Variants in CSNK1A1 observed in about 807,000 individuals in gnomAD.
CSNK1A1 encodes casein kinase 1 alpha 1.
CSNK1A1 carries 7 observed loss-of-function variants against 46.1 expected under a neutral mutation model. The observed-to-expected ratio is 0.15, with a 90% confidence interval of 0.09 to 0.29. The LOEUF is 0.29. CSNK1A1 is among the 10% of genes least tolerant of loss of function. The pLI is 1.00. For missense variants in CSNK1A1, 96 were observed against 417.1 expected (o/e 0.23, Z 6.71); for synonymous variants, 137 against 141.5 (o/e 0.97, Z 0.23).
chr5:149,547,010 T>C (rs1762504634), intron 2 of CSNK1A1, among the ~76,000 whole-genome samples: 1 of 152,170 alleles, frequency 6.6e-6, no homozygotes. Context: ...GAACCACTTT[T>C]GTTTCCATGT....
chr5:149,525,008 T>C lies in CSNK1A1; in HGVS notation c.357+37A>G. On this transcript the variant is annotated intron_variant, in intron 3 of 9. Transcript: ENST00000377843. This position sits in a 1 kb window ranked among gnomAD's most constrained non-coding sequence, Gnocchi z 4.2. The stretch of plus-strand genomic sequence containing the variant: ...ATAATGAAATTCCAGTCAACAGTAC[T>C]AGTCTCAGTTTATATTCTAATCAAA... 1 of 1,575,852 alleles carries C rather than the reference T, an allele frequency of 6.3e-7. No homozygotes were observed. The highest frequency in any genetic ancestry group is 8.6e-7 in the Non-Finnish European group (1 of 1,157,914).
At chr5:149,546,006 A>G (rs1041346239) in intron 2 of CSNK1A1, among the ~76,000 whole-genome samples, 3 of 150,958 alleles carry the variant, frequency 2.0e-5, no homozygotes, top group African/African-American at 7.3e-5. Flanking sequence ...CTCCTGCCTC[A>G]GCCTCCTGAG....
intron 2 of CSNK1A1, chr5:149,549,525 A>T: frequency 4.3e-6 from 3 of 701,964 alleles, no homozygotes; most frequent in Non-Finnish European, 7.8e-6. Context: ...TAAAGGAGGA[A>T]TCAAGGAAGC....
At chr5:149,533,415 G>C (rs1258358046) in intron 2 of CSNK1A1, among the ~76,000 whole-genome samples, 1 of 152,086 alleles carries the variant, frequency 6.6e-6, no homozygotes, top group African/African-American at 2.4e-5. Context: ...ATTCTCAAAG[G>C]ACAGATGGCA....
In CSNK1A1 at chr5:149,500,961, T is replaced by C. The variant is rs144669502; in HGVS notation, c.1007-4101A>G. 411 of 985,148 alleles carry C rather than the reference T, an allele frequency of 4.2e-4. 1 individual carries two copies. The African/African-American group carries it at 6.6e-3, about 16-fold the overall frequency. The allele number at this position is 985,148 out of a possible 1,614,324, so 61.0% of individuals were successfully genotyped here. ...ACAGACTGAATTGTTTTGTCTTCCT[T>C]ATAACAGAATTCATTCTGCTACACA... On this transcript the variant is annotated intron_variant, in intron 9 of 9. Coordinates refer to ENST00000377843, the MANE Select transcript of CSNK1A1 (RefSeq NM_001892.6).
At chr5:149,508,764 C>G (rs1293767136) in intron 7 of CSNK1A1, among the ~76,000 whole-genome samples, 3 of 152,150 alleles carry the variant, frequency 2.0e-5, no homozygotes, top group Non-Finnish European at 4.4e-5. Flanking sequence ...GAGAATATTT[C>G]TTACTTTTTC....
chr5:149,549,560 A>C, intron 2 of CSNK1A1: 1 of 698,140 alleles, frequency 1.4e-6, no homozygotes, highest in Non-Finnish European at 2.6e-6. Context: ...CAAGCTGAGA[A>C]AAGGGCAGGA....
intron 4 of CSNK1A1, among the ~76,000 whole-genome samples, chr5:149,518,917 G>T (rs1313809534): frequency 6.6e-6 from 1 of 152,026 alleles, no homozygotes; most frequent in Admixed American, 6.6e-5. Flanking sequence ...GGGTTTTTAG[G>T]GGGTAAGAAA....
rs1761696200 is a variant in CSNK1A1, at chr5:149,525,375, A to C, written c.231-204T>G. Among the ~76,000 whole-genome samples the C allele has an allele frequency of 6.6e-6, 1 of 152,130 alleles. No individual in the cohort carries two copies. Among genetic ancestry groups the C allele is most frequent in the South Asian group, 2.1e-4 (1 of 4,826 alleles). On this transcript the variant is annotated intron_variant, in intron 2 of 9. Coordinates refer to ENST00000377843, the MANE Select transcript of CSNK1A1 (RefSeq NM_001892.6). This position sits in a 1 kb window ranked among gnomAD's most constrained non-coding sequence, Gnocchi z 4.2. ...AGACTTTTTTTTTTCCCTGTCATGC[A>C]ACTCCATTCTCCTATATAGATAGGA...
chr5:149,496,770 T>C lies in CSNK1A1; in HGVS notation c.*83A>G, dbSNP rs1760665786. 4 of 1,527,016 alleles carry C rather than the reference T, an allele frequency of 2.6e-6. No homozygotes were observed. The highest frequency in any genetic ancestry group is 2.5e-5 in the South Asian group (2 of 78,942). The allele number at this position is 1,527,016 out of a possible 1,614,324, so 94.6% of individuals were successfully genotyped here. A position where few individuals can be genotyped will look rare whatever the true frequency, so the allele number is the denominator to read the frequency against. ...GTCCACAACCACTGGCTAGTGTACATATGAACTAAAATTTCTAGATTTGGG... is the reference window on the plus strand; with the variant it reads ...GTCCACAACCACTGGCTAGTGTACACATGAACTAAAATTTCTAGATTTGGG... On this transcript the variant is annotated 3_prime_UTR_variant, in exon 10 of 10. Coordinates refer to ENST00000377843, the MANE Select transcript of CSNK1A1 (RefSeq NM_001892.6).
rs376944499 is a variant in CSNK1A1 at position 149,517,788 on chromosome 5, T to C, written c.456+2502A>G. On this transcript the variant is annotated intron_variant, in intron 4 of 9. Coordinates refer to ENST00000377843, the MANE Select transcript of CSNK1A1 (RefSeq NM_001892.6). The surrounding 1 kb of genome is among the most constrained non-coding windows in gnomAD (Gnocchi z 4.4). ...ATTGAGGTTGGAATAGGAGACAGTT[T>C]CAGACCTGGTTTAATCCTGAGAAAG... 193 of 1,584,132 alleles carry C rather than the reference T, an allele frequency of 1.2e-4. No homozygotes were observed. Among genetic ancestry groups the C allele is most frequent in the Non-Finnish European group, 1.6e-4 (185 of 1,157,798 alleles).
chr5:149,499,950 GTTTTTTTTCTTTTTTTCTT>G (rs200214554), intron 9 of CSNK1A1, among the ~76,000 whole-genome samples: 28,115 of 136,524 alleles, frequency 0.21, 2,373 homozygotes, highest in Admixed American at 0.35. Context: ...TGGTTGTGGG[GTTTTTTTTCTTTTTTTCTT>G]TTTTTTTTTT....
chr5:149,506,601 C>T lies in CSNK1A1; in HGVS notation c.857+426G>A, dbSNP rs61411011. 0.016 allele frequency among the ~76,000 whole-genome samples: 2,497 copies of T among 152,200 alleles called. 262 individuals are homozygous for T. The East Asian group carries it at 0.31, about 19-fold the overall frequency. On this transcript the variant is annotated intron_variant, in intron 8 of 9. Coordinates refer to ENST00000377843, the MANE Select transcript of CSNK1A1 (RefSeq NM_001892.6). ...GAGCCACATGTAATCTATTCCCCCC[C>T]CTTTTTCAAGACCAGTTCTGGGTTG... is the stretch of plus-strand genomic sequence containing the variant.
rs752106002 is a variant in CSNK1A1 at position 149,550,223 on chromosome 5, G to A, written c.124-42C>T. ...GGATGATGGCATCAACATCCCTACGGATTCAATGTCACTTAGGAAAGGAGG... is the reference window on the plus strand; with the variant it reads ...GGATGATGGCATCAACATCCCTACGAATTCAATGTCACTTAGGAAAGGAGG... On this transcript the variant is annotated intron_variant, in intron 1 of 9. Coordinates refer to ENST00000377843, the MANE Select transcript of CSNK1A1 (RefSeq NM_001892.6). This position sits in a 1 kb window ranked among gnomAD's most constrained non-coding sequence, Gnocchi z 4.3. 1.9e-6 allele frequency: 3 copies of A among 1,603,176 alleles called. No homozygotes were observed. Among genetic ancestry groups the A allele is most frequent in the Non-Finnish European group, 2.6e-6 (3 of 1,174,614 alleles).
Position 149,494,443 on chromosome 5 carries a change from C to T in CSNK1A1, c.*2410G>A, listed in dbSNP as rs557829458. ...CAACATTTTAAAAAAACTGCACCCCCCAATGGGTGAACAAAGTAAAGAGTA... is the reference window on the plus strand; with the variant it reads ...CAACATTTTAAAAAAACTGCACCCCTCAATGGGTGAACAAAGTAAAGAGTA... On this transcript the variant is annotated 3_prime_UTR_variant, in exon 10 of 10. Transcript: ENST00000377843. 6.6e-6 allele frequency: 1 copy of T among 152,192 alleles called. No individual in the cohort carries two copies. The highest frequency in any genetic ancestry group is 1.5e-5 in the Non-Finnish European group (1 of 68,034). The allele number at this position is 152,192 out of a possible 1,614,324, so 9.4% of individuals were successfully genotyped here.
chr5:149,519,227 T>C (rs1224241079), intron 4 of CSNK1A1, among the ~76,000 whole-genome samples: 2 of 152,150 alleles, frequency 1.3e-5, no homozygotes, highest in Non-Finnish European at 2.9e-5. Flanking sequence ...ACACCAATTC[T>C]AATGGTAATG....
intron 3 of CSNK1A1, 129 bp from the exon 4 acceptor site, chr5:149,520,517 G>T: frequency 5.7e-5 from 31 of 546,252 alleles, no homozygotes; most frequent in South Asian, 1.4e-4. Context: ...GAAATGGAAA[G>T]GACAACTAAG....
At chr5:149,537,306 G>C (rs1045499995) in intron 2 of CSNK1A1, among the ~76,000 whole-genome samples, 3 of 152,124 alleles carry the variant, frequency 2.0e-5, no homozygotes, top group African/African-American at 7.2e-5. Context: ...AACCCAGGAG[G>C]CAGAGGTTGC....
chr5:149,527,252 C>G (rs931222255), intron 2 of CSNK1A1, among the ~76,000 whole-genome samples: 3 of 152,070 alleles, frequency 2.0e-5, no homozygotes, highest in Non-Finnish European at 4.4e-5. Context: ...CTCAGCCTCC[C>G]AAGTAGCTGG....
Sources: allele counts gnomAD v4.1 joint callset (sites outside exome capture counted in the v4.1 genomes callset), GRCh38; gene constraint gnomAD v4.1.1; non-coding constraint Gnocchi (gnomAD v3.1); transcripts MANE v1.5; gene names NCBI Gene and HGNC (gene_info 2026-07-23, HGNC 2026-07-21).